Variants in AFF2 observed in about 807,000 individuals in gnomAD.
The protein encoded by AFF2 is AF4/FMR2 family member 2.
In AFF2, 14 loss-of-function variants were observed where a neutral mutation model predicts 76.9. The observed-to-expected ratio is 0.18, with a 90% confidence interval of 0.12 to 0.28. The LOEUF (loss-of-function observed/expected upper bound fraction) is 0.28, where lower values mean the gene tolerates loss of function less well. Ranked by LOEUF, AFF2 falls within the 10% of genes least tolerant of loss-of-function variation. AFF2 has a pLI of 1.00. For missense variants in AFF2, 868 were observed against 1,001.1 expected (o/e 0.87, Z 1.79); for synonymous variants, 398 against 366.7 (o/e 1.09, Z -0.98).
chrX:148,637,780 T>C (rs1475976293), intron 1 of AFF2, among the ~76,000 whole-genome samples: 1 of 112,532 alleles, frequency 8.9e-6, no homozygotes, highest in Non-Finnish European at 1.9e-5. Context: ...ACTAACCACA[T>C]TTCCAGTGCT....
At chrX:148,819,121 G>T (rs190283473) in intron 4 of AFF2, among the ~76,000 whole-genome samples, 2 of 110,958 alleles carry the variant, frequency 1.8e-5, no homozygotes, top group African/African-American at 6.5e-5. Flanking sequence ...TCATCCCCTT[G>T]TTAGATAATG....
In AFF2 at chrX:148,688,754, C is replaced by T. The variant is rs188451610; in HGVS notation, c.1041+25986C>T. Among the ~76,000 whole-genome samples, 8 of 108,125 alleles carry T rather than the reference C, an allele frequency of 7.4e-5. No individual in the cohort carries two copies. In the East Asian group the frequency reaches 2.3e-3, roughly 31 times the overall value. The allele number at this position is 108,125 out of a possible 115,157, so 93.9% of individuals were successfully genotyped here. Reference sequence around the variant, plus strand: ...CCTAGATGGCATAGCATACCACACACCTAGGTTGTATGGCATCCTATTGCT... The same window carrying T: ...CCTAGATGGCATAGCATACCACACATCTAGGTTGTATGGCATCCTATTGCT... On this transcript the variant is annotated intron_variant, in intron 3 of 20. Coordinates refer to ENST00000370460, the MANE Select transcript of AFF2 (RefSeq NM_002025.4).
intron 9 of AFF2, among the ~76,000 whole-genome samples, chrX:148,953,249 A>G (rs2071990836): frequency 8.9e-6 from 1 of 112,272 alleles, no homozygotes; most frequent in Non-Finnish European, 1.9e-5. Context: ...TCAACATCTA[A>G]GGCACTACAT....
intron 3 of AFF2, among the ~76,000 whole-genome samples, chrX:148,769,608 A>G (rs376167964): frequency 5.8e-4 from 64 of 111,004 alleles, no homozygotes; most frequent in Admixed American, 1.4e-3. Context: ...TCCATCCTCA[A>G]CTTGGCTCCT....
chrX:148,700,985 GGAGA>G (rs34108020), intron 3 of AFF2, among the ~76,000 whole-genome samples: 29 of 81,898 alleles, frequency 3.5e-4, no homozygotes, highest in Admixed American at 7.0e-4. Flanking sequence ...AGGTATGATG[GGAGA>G]GAGAGAGAGA....
At chrX:148,671,217 T>G (rs1235053005) in intron 3 of AFF2, among the ~76,000 whole-genome samples, 1 of 112,106 alleles carries the variant, frequency 8.9e-6, no homozygotes, top group Non-Finnish European at 1.9e-5. Context: ...GATTGATTTA[T>G]TCTTACTCTG....
At chrX:148,898,500 A>G (rs2071319625) in intron 8 of AFF2, among the ~76,000 whole-genome samples, 1 of 112,175 alleles carries the variant, frequency 8.9e-6, no homozygotes, top group Non-Finnish European at 1.9e-5. Flanking sequence ...TAGTTGCAGG[A>G]AGAGTGAGGA....
chrX:148,556,024 T>C (rs1366187630), intron 1 of AFF2, among the ~76,000 whole-genome samples: 1 of 111,850 alleles, frequency 8.9e-6, no homozygotes, highest in Non-Finnish European at 1.9e-5. Context: ...ACAGAAACTG[T>C]AGGTGTGTGT....
At chrX:148,955,261 T>C (rs782212441) in intron 10 of AFF2, among the ~76,000 whole-genome samples, 17 of 112,762 alleles carry the variant, frequency 1.5e-4, no homozygotes, top group Non-Finnish European at 2.4e-4. Flanking sequence ...ACAAAGGATT[T>C]TGGAAACAGG....
chrX:148,779,631 T>G (rs1557268890), intron 3 of AFF2, among the ~76,000 whole-genome samples: 3 of 111,923 alleles, frequency 2.7e-5, no homozygotes, highest in African/African-American at 9.8e-5. Context: ...ATTTTGAGCC[T>G]ATGTGTGTCT....
intron 3 of AFF2, among the ~76,000 whole-genome samples, chrX:148,680,469 A>G (rs1352577615): frequency 1.8e-5 from 2 of 111,670 alleles, no homozygotes; most frequent in East Asian, 5.6e-4. Context: ...TCTAGGTGAG[A>G]GGAATTAGAT....
Position 148,748,658 on chromosome X carries a change from G to A in AFF2, c.1042-61218G>A, listed in dbSNP as rs1603293777. Among the ~76,000 whole-genome samples, 6 of 111,801 alleles carry A rather than the reference G, an allele frequency of 5.4e-5. No homozygotes were observed. In the Admixed American group the frequency reaches 5.7e-4, roughly 11 times the overall value. Reference sequence around the variant, plus strand: ...GAGGATGGGTATTGTGCCCTGTGGAGGGAAGATGGGCTACCTTGACTGGGG... The same window carrying A: ...GAGGATGGGTATTGTGCCCTGTGGAAGGAAGATGGGCTACCTTGACTGGGG... On this transcript the variant is annotated intron_variant, in intron 3 of 20. Coordinates refer to ENST00000370460, the MANE Select transcript of AFF2 (RefSeq NM_002025.4).
chrX:148,537,504 G>A (rs2052798683), intron 1 of AFF2, among the ~76,000 whole-genome samples: 1 of 106,254 alleles, frequency 9.4e-6, no homozygotes, highest in Non-Finnish European at 1.9e-5. Context: ...GGAATGGAAA[G>A]GAAAGGAGGA....
intron 1 of AFF2, among the ~76,000 whole-genome samples, chrX:148,588,976 A>G (rs2053496026): frequency 1.8e-5 from 2 of 110,942 alleles, no homozygotes; most frequent in Non-Finnish European, 1.9e-5. Context: ...GTGGACAGTT[A>G]AGAGCTGAAC....
intron 1 of AFF2, among the ~76,000 whole-genome samples, chrX:148,538,879 C>T (rs2052820381): frequency 1.8e-5 from 2 of 111,456 alleles, no homozygotes; most frequent in South Asian, 7.6e-4. Flanking sequence ...GACTTTTATA[C>T]TACACTGTTT....
intron 1 of AFF2, among the ~76,000 whole-genome samples, chrX:148,503,796 T>C (rs1487617211): frequency 8.9e-6 from 1 of 112,013 alleles, no homozygotes; most frequent in African/African-American, 3.3e-5. Context: ...TTTGGAATGC[T>C]CACATGCCTA....
chrX:148,648,948 T>A (rs2054174393), intron 1 of AFF2, among the ~76,000 whole-genome samples: 1 of 112,247 alleles, frequency 8.9e-6, no homozygotes, highest in South Asian at 3.7e-4. Context: ...GTTTTCATGC[T>A]GATTGATAGG....
chrX:148,858,849 A>C (rs1197062630), intron 7 of AFF2, among the ~76,000 whole-genome samples: 2 of 110,005 alleles, frequency 1.8e-5, no homozygotes, highest in East Asian at 5.7e-4. Context: ...ATTAATTTAT[A>C]ATGCAATTCC....
intron 1 of AFF2, among the ~76,000 whole-genome samples, chrX:148,611,019 C>T (rs1412256823): frequency 8.9e-6 from 1 of 111,881 alleles, no homozygotes; most frequent in Non-Finnish European, 1.9e-5. Flanking sequence ...AATTATTTTA[C>T]TTAGCCCAAT....
Sources: allele counts gnomAD v4.1 joint callset (sites outside exome capture counted in the v4.1 genomes callset), GRCh38; gene constraint gnomAD v4.1.1; transcripts MANE v1.5; gene names NCBI Gene and HGNC (gene_info 2026-07-23, HGNC 2026-07-21).